The following KANK1 variants were observed in gnomAD, a reference collection of about 807,000 sequenced individuals.
KANK1 encodes the protein KN motif and ankyrin repeat domain-containing protein 1.
Under a neutral mutation model 106.2 loss-of-function variants are expected in KANK1, and 109 were observed. That is an observed-to-expected ratio of 1.03 (90% CI 0.88 to 1.20). The LOEUF is 1.20. KANK1 is among the 50% of genes most tolerant of loss of function. KANK1 has a pLI of 0.00. For synonymous variants in KANK1, 873 were observed against 652.2 expected (o/e 1.34, Z -5.16); for missense variants, 2,399 against 1,710.7 (o/e 1.40, Z -7.10).
intron 1 of KANK1, among the ~76,000 whole-genome samples, chr9:605,850 A>C (rs1828976071): frequency 6.6e-6 from 1 of 151,682 alleles, no homozygotes; most frequent in Admixed American, 6.6e-5. Flanking sequence ...TTGAGCAGTG[A>C]TCAAGATGGG....
chr9:707,195 G>A (rs1824523195), intron 2 of KANK1: 1 of 986,012 alleles, frequency 1.0e-6, no homozygotes, highest in Non-Finnish European at 1.2e-6. Context: ...CTGAGCTGGA[G>A]CGAGCTGTGC....
chr9:590,991 ATAGTGGAGTT>A lies in KANK1; in HGVS notation c.-83-85896_-83-85887del, dbSNP rs1406500319. 3.3e-5 allele frequency among the ~76,000 whole-genome samples: 5 copies of A among 151,872 alleles called. No homozygotes were observed. The East Asian group carries it at 9.6e-4, about 29-fold the overall frequency. ...TCTTTTCCCACACCCTTAACATTGG[ATAGTGGAGTT>A]TAAAACAAACAAACAAAAAAACCTT... On this transcript the variant is annotated intron_variant, in intron 1 of 11. Transcript: ENST00000382297.
intron 11 of KANK1, chr9:744,961 A>G (rs1836808976): frequency 1.4e-6 from 2 of 1,461,898 alleles, no homozygotes; most frequent in South Asian, 1.4e-5. Flanking sequence ...CTGAGTGGGA[A>G]GGTGACTTCC....
chr9:682,479 T>A (rs561770905), intron 2 of KANK1, among the ~76,000 whole-genome samples: 2 of 152,330 alleles, frequency 1.3e-5, no homozygotes, highest in South Asian at 4.1e-4. Context: ...TAACATTCTT[T>A]GCATTTTTCC....
intron 3 of KANK1, among the ~76,000 whole-genome samples, chr9:499,195 T>G (rs2058508373): frequency 6.6e-6 from 1 of 151,010 alleles, no homozygotes; most frequent in African/African-American, 2.4e-5. Flanking sequence ...AAAAAAAAGT[T>G]AAACGCAGAG....
intron 1 of KANK1, among the ~76,000 whole-genome samples, chr9:565,531 G>T (rs529542167): frequency 1.3e-5 from 2 of 152,298 alleles, no homozygotes; most frequent in East Asian, 3.9e-4. Flanking sequence ...CTGAAGTTTT[G>T]GGGGTTGAGG....
At chr9:532,492 T>TA (rs763639572) in intron 1 of KANK1, among the ~76,000 whole-genome samples, 28 of 150,948 alleles carry the variant, frequency 1.9e-4, no homozygotes, top group Non-Finnish European at 3.7e-4. Flanking sequence ...TTCATCTTCC[T>TA]AAATAGAAAC....
intron 2 of KANK1, among the ~76,000 whole-genome samples, chr9:705,833 T>A (rs1823975046): frequency 6.6e-6 from 1 of 151,892 alleles, no homozygotes; most frequent in African/African-American, 2.4e-5. Flanking sequence ...CTCCTGACCT[T>A]CAAGTGATCC....
At chr9:622,838 G>T (rs1833472548) in intron 1 of KANK1, among the ~76,000 whole-genome samples, 1 of 152,058 alleles carries the variant, frequency 6.6e-6, no homozygotes, top group Non-Finnish European at 1.5e-5. Context: ...GGAGGCGGAG[G>T]TTGCAGTGAG....
chr9:509,951 C>T (rs991661398), intron 1 of KANK1, among the ~76,000 whole-genome samples: 1 of 151,716 alleles, frequency 6.6e-6, no homozygotes, highest in East Asian at 1.9e-4. Flanking sequence ...CAGGCATGTG[C>T]CACTGCACTC....
rs770900793 is a variant in KANK1 at position 710,812 on chromosome 9, G to C, written c.46G>C (p.Gly16Arg). ...KVNGSASGKA[G>R]DILSGDQDKE... Reference sequence around the variant, plus strand: ...TTTTCTCCCTCTTCTAGGAAAAGCAGGTGATATTCTCAGTGGAGACCAGGA... The same window carrying C: ...TTTTCTCCCTCTTCTAGGAAAAGCACGTGATATTCTCAGTGGAGACCAGGA... Residue 16 changes from glycine to arginine, a missense_variant, in exon 3 of 12, where the codon GGT becomes CGT. Coordinates refer to ENST00000382297, the MANE Select transcript of KANK1 (RefSeq NM_015158.5). 3.2e-5 allele frequency: 50 copies of C among 1,584,696 alleles called. No individual in the cohort carries two copies. Among genetic ancestry groups the C allele is most frequent in the Non-Finnish European group, 4.1e-5 (48 of 1,169,088 alleles).
chr9:657,027 C>G (rs963430735), intron 1 of KANK1, among the ~76,000 whole-genome samples: 1 of 151,112 alleles, frequency 6.6e-6, no homozygotes, highest in African/African-American at 2.5e-5. Context: ...CTGTGCTCAT[C>G]AAACAACTCT....
At chr9:474,317 A>G (rs1324319034) in intron 3 of KANK1, among the ~76,000 whole-genome samples, 1 of 152,244 alleles carries the variant, frequency 6.6e-6, no homozygotes, top group East Asian at 1.9e-4. Flanking sequence ...ATTTATAAGT[A>G]CAAGCTCAGG....
At chr9:613,949 G>A (rs912274165) in intron 1 of KANK1, among the ~76,000 whole-genome samples, 8 of 152,296 alleles carry the variant, frequency 5.3e-5, no homozygotes, top group African/African-American at 1.9e-4. Context: ...ACAGGAAAGA[G>A]TAGTTCTCCT....
intron 6 of KANK1, chr9:734,287 A>G (rs1377739597): frequency 4.8e-5 from 8 of 165,790 alleles, no homozygotes; most frequent in Non-Finnish European, 5.3e-5. Flanking sequence ...ACCCCTAAGG[A>G]TTTCTGTGCT....
chr9:603,956 C>G (rs1349505382), intron 1 of KANK1, among the ~76,000 whole-genome samples: 1 of 95,776 alleles, frequency 1.0e-5, no homozygotes, highest in East Asian at 2.2e-4. Flanking sequence ...AAGACTCTGT[C>G]TCAAAAAAAA....
intron 1 of KANK1, among the ~76,000 whole-genome samples, chr9:618,341 G>C (rs2136314738): frequency 6.6e-6 from 1 of 152,140 alleles, no homozygotes; most frequent in East Asian, 1.9e-4. Context: ...CCGAGTAGCT[G>C]GGACTACAGG....
chr9:723,509 T>C (rs1467638864), intron 3 of KANK1, among the ~76,000 whole-genome samples: 2 of 152,068 alleles, frequency 1.3e-5, no homozygotes, highest in African/African-American at 2.4e-5. Flanking sequence ...TCCTGTGTCC[T>C]AGCTACTCCA....
At chr9:684,252 A>G (rs1818121007) in intron 2 of KANK1, 3 of 985,440 alleles carry the variant, frequency 3.0e-6, no homozygotes, top group Non-Finnish European at 3.6e-6. Context: ...AGCTAAGCCA[A>G]GAAAGGATGA....
Sources: allele counts gnomAD v4.1 joint callset (sites outside exome capture counted in the v4.1 genomes callset), GRCh38; gene constraint gnomAD v4.1.1; transcripts MANE v1.5; gene names NCBI Gene and HGNC (gene_info 2026-07-23, HGNC 2026-07-21).